The following TMEM266 variants were observed in gnomAD, a reference collection of about 807,000 sequenced individuals.
TMEM266 encodes the protein transmembrane protein 266.
A neutral mutation model predicts 50.5 loss-of-function variants in TMEM266; 33 were observed. That is an observed-to-expected ratio of 0.65 (90% CI 0.50 to 0.87). TMEM266 has a LOEUF of 0.87. Among genes scored for constraint, TMEM266 ranks in the 40% least tolerant of loss-of-function variants. The probability of loss-of-function intolerance (pLI) is 0.00; values close to 1 mark genes in which losing one functional copy is unlikely to be tolerated. For missense variants in TMEM266, 655 were observed against 695.1 expected (o/e 0.94, Z 0.65); for synonymous variants, 310 against 292.3 (o/e 1.06, Z -0.62).
intron 7 of TMEM266, among the ~76,000 whole-genome samples, chr15:76,174,079 T>C (rs966632473): frequency 2.6e-5 from 4 of 152,162 alleles, no homozygotes; most frequent in Admixed American, 1.3e-4. Flanking sequence ...CTTAGCCTAC[T>C]TTTCAAAGCC....
chr15:76,080,049 A>T (rs1234302730), intron 1 of TMEM266, among the ~76,000 whole-genome samples: 1 of 151,588 alleles, frequency 6.6e-6, no homozygotes, highest in Non-Finnish European at 1.5e-5. Flanking sequence ...TGTGTCAGCA[A>T]TGACTTAACA....
intron 8 of TMEM266, chr15:76,175,906 T>C (rs1239144017): frequency 1.1e-5 from 5 of 446,770 alleles, no homozygotes; most frequent in Non-Finnish European, 1.6e-5. Flanking sequence ...CAGGGTTCTT[T>C]CCACTGTAGC....
chr15:76,150,137 G>A lies in TMEM266; in HGVS notation c.228-6467G>A, dbSNP rs181719580. ...TCCGTCAGTGAGATTCAAGGAGTCC[G>A]TGCACTCCCTGGAATGTTATGCACA... On this transcript the variant is annotated intron_variant, in intron 3 of 10. Transcript: ENST00000388942. 2.0e-5 allele frequency among the ~76,000 whole-genome samples: 3 copies of A among 152,300 alleles called. No homozygotes were observed. The East Asian group carries it at 5.8e-4, about 29-fold the overall frequency.
At position 76,100,257 on chromosome 15, in the gene TMEM266, C is replaced by G. The variant is rs561421618; in HGVS notation, c.-96-33911C>G. 1.1e-4 allele frequency among the ~76,000 whole-genome samples: 17 copies of G among 152,248 alleles called. No homozygotes were observed. The East Asian group carries it at 2.7e-3, about 24-fold the overall frequency. ...TAGAGATGGGAGACTGGGAGGAAAA[C>G]TTATATTTTCTGTTATTTTATATAC... On this transcript the variant is annotated intron_variant, in intron 1 of 10. Transcript: ENST00000388942.
intron 3 of TMEM266, among the ~76,000 whole-genome samples, chr15:76,142,016 T>C (rs2037687048): frequency 6.6e-6 from 1 of 152,248 alleles, no homozygotes; most frequent in African/African-American, 2.4e-5. Flanking sequence ...CACTGGACTG[T>C]TTTTTCTCAA....
At chr15:76,143,176 C>T (rs886494453) in intron 3 of TMEM266, among the ~76,000 whole-genome samples, 2 of 152,214 alleles carry the variant, frequency 1.3e-5, no homozygotes, top group African/African-American at 4.8e-5. Context: ...CCTGCTTCAT[C>T]AGTTACCTCC....
At chr15:76,086,935 G>GT (rs948828775) in intron 1 of TMEM266, among the ~76,000 whole-genome samples, 7 of 151,338 alleles carry the variant, frequency 4.6e-5, no homozygotes, top group African/African-American at 1.5e-4. Flanking sequence ...GGTCGGGGGG[G>GT]GGGCGGTGGT....
At chr15:76,156,932 G>A (rs2037936368) in intron 4 of TMEM266, among the ~76,000 whole-genome samples, 174 bp downstream of exon 4, 1 of 152,094 alleles carries the variant, frequency 6.6e-6, no homozygotes, top group Non-Finnish European at 1.5e-5. Flanking sequence ...AATACATCTG[G>A]CAGCTTCTCT....
At chr15:76,201,817 AGGGCAGTGTTTCCAGT>A in intron 9 of TMEM266, among the ~76,000 whole-genome samples, 1 of 152,304 alleles carries the variant, frequency 6.6e-6, no homozygotes, top group Non-Finnish European at 1.5e-5. Context: ...TTCTTTACCA[AGGGCAGTGTTTCCAGT>A]GCCCTTGAGA....
intron 1 of TMEM266, among the ~76,000 whole-genome samples, chr15:76,067,714 A>G (rs1294588811): frequency 6.7e-6 from 1 of 149,886 alleles, no homozygotes; most frequent in Admixed American, 6.6e-5. Context: ...ATTGTATTTA[A>G]GAGCTTAAAG....
chr15:76,102,840 CAAA>C (rs576336505), intron 1 of TMEM266, among the ~76,000 whole-genome samples: 1 of 48,412 alleles, frequency 2.1e-5, no homozygotes. Flanking sequence ...CCCTTATCTC[CAAA>C]AAAAAAAAAA....
chr15:76,133,249 C>A (rs1197100767), intron 1 of TMEM266, among the ~76,000 whole-genome samples: 1 of 152,102 alleles, frequency 6.6e-6, no homozygotes, highest in African/African-American at 2.4e-5. Context: ...GCCTGACCAA[C>A]ATGGAGAAAC....
At chr15:76,157,240 A>G (rs557424248) in intron 4 of TMEM266, among the ~76,000 whole-genome samples, 4 of 152,288 alleles carry the variant, frequency 2.6e-5, no homozygotes, top group African/African-American at 9.6e-5. Context: ...ATTTATACGT[A>G]TCGTGATAGT....
At chr15:76,195,245 A>AAACT (rs2038637162) in intron 9 of TMEM266, among the ~76,000 whole-genome samples, 1 of 152,158 alleles carries the variant, frequency 6.6e-6, no homozygotes, top group Non-Finnish European at 1.5e-5. Flanking sequence ...TCTCCCCTCT[A>AAACT]AACTTACTTC....
At chr15:76,194,285 C>T (rs573729248) in intron 9 of TMEM266, among the ~76,000 whole-genome samples, 6 of 152,244 alleles carry the variant, frequency 3.9e-5, no homozygotes, top group Non-Finnish European at 7.3e-5. Flanking sequence ...CACAACCCAT[C>T]GCCAATTCCT....
chr15:76,095,709 C>A (rs1329739137), intron 1 of TMEM266, among the ~76,000 whole-genome samples: 1 of 151,942 alleles, frequency 6.6e-6, no homozygotes. Context: ...CTCCTTGTAC[C>A]TCTGGTAGAA....
At chr15:76,176,979 C>A (rs2038293322) in intron 8 of TMEM266, among the ~76,000 whole-genome samples, 1 of 152,254 alleles carries the variant, frequency 6.6e-6, no homozygotes, top group Non-Finnish European at 1.5e-5. Flanking sequence ...GCCATGCCAC[C>A]TCTTGGGTTT....
intron 1 of TMEM266, among the ~76,000 whole-genome samples, chr15:76,100,393 A>G (rs2036985007): frequency 6.6e-6 from 1 of 152,166 alleles, no homozygotes; most frequent in Non-Finnish European, 1.5e-5. Context: ...AAGCTTCTCT[A>G]ATTCCCTCAC....
At chr15:76,101,127 G>A (rs1017595878) in intron 1 of TMEM266, among the ~76,000 whole-genome samples, 3 of 152,024 alleles carry the variant, frequency 2.0e-5, no homozygotes, top group African/African-American at 7.2e-5. Flanking sequence ...GATGATGGCT[G>A]GGTGAATGGA....
Sources: allele counts gnomAD v4.1 joint callset (sites outside exome capture counted in the v4.1 genomes callset), GRCh38; gene constraint gnomAD v4.1.1; transcripts MANE v1.5; gene names NCBI Gene and HGNC (gene_info 2026-07-23, HGNC 2026-07-21).